The following AUTS2 variants were observed in gnomAD, a reference collection of about 807,000 sequenced individuals.
AUTS2 encodes activator of transcription and developmental regulator AUTS2.
In AUTS2, 17 loss-of-function variants were observed where a neutral mutation model predicts 112.4. The ratio of observed to expected loss-of-function variants is 0.15; its 90% confidence interval spans 0.10 to 0.23. AUTS2 has a LOEUF of 0.23. Ranked by LOEUF, AUTS2 falls within the 10% of genes least tolerant of loss-of-function variation. AUTS2 has a pLI of 1.00. For synonymous variants in AUTS2, 751 were observed against 702.7 expected, an observed-to-expected ratio of 1.07 and a Z score of -1.09; for missense variants, 1,510 against 1,701.6, an observed-to-expected ratio of 0.89 and a Z score of 1.98.
At chr7:70,053,965 A>G (rs1402195555) in intron 2 of AUTS2, among the ~76,000 whole-genome samples, 1 of 152,202 alleles carries the variant, frequency 6.6e-6, no homozygotes, top group Non-Finnish European at 1.5e-5. Flanking sequence ...AAGAAAGCAA[A>G]TGTAATTTAT....
At chr7:70,739,060 C>G (rs973143291) in intron 6 of AUTS2, among the ~76,000 whole-genome samples, 33 of 120,944 alleles carry the variant, frequency 2.7e-4, no homozygotes, top group Admixed American at 9.9e-4. Flanking sequence ...GGGTCTTGCT[C>G]TGTTGCCCAG....
chr7:69,790,142 A>G (rs1186852486), intron 1 of AUTS2, among the ~76,000 whole-genome samples: 2 of 151,888 alleles, frequency 1.3e-5, no homozygotes, highest in African/African-American at 4.8e-5. Flanking sequence ...AAAAAAAAAA[A>G]TGGCTGAATG....
chr7:70,496,596 A>G (rs1445332279), intron 5 of AUTS2, among the ~76,000 whole-genome samples: 3 of 113,176 alleles, frequency 2.7e-5, no homozygotes, highest in African/African-American at 1.0e-4. Context: ...ATCAGCATCA[A>G]TCACACACCC....
At chr7:70,034,435 G>A (rs1800910657) in intron 2 of AUTS2, among the ~76,000 whole-genome samples, 1 of 151,766 alleles carries the variant, frequency 6.6e-6, no homozygotes, top group Admixed American at 6.6e-5. Context: ...GTCAGACTGA[G>A]GGAGGAAGGA....
intron 1 of AUTS2, among the ~76,000 whole-genome samples, chr7:69,889,197 G>C (rs982534054): frequency 9.9e-5 from 15 of 152,160 alleles, no homozygotes; most frequent in African/African-American, 3.6e-4. Flanking sequence ...ACCAGGTCCA[G>C]TTCTAATTCA....
intron 5 of AUTS2, among the ~76,000 whole-genome samples, chr7:70,682,001 G>C (rs1340924636): frequency 6.6e-6 from 1 of 152,162 alleles, no homozygotes; most frequent in Non-Finnish European, 1.5e-5. Flanking sequence ...TTCCCTACCA[G>C]TTTTATTGGG....
At chr7:69,899,608 C>G in intron 2 of AUTS2, 110 bp downstream of exon 2, 1 of 1,012,730 alleles carries the variant, frequency 9.9e-7, no homozygotes, top group Non-Finnish European at 1.5e-6. Flanking sequence ...TGGTGGGATG[C>G]TGAAGTGGTT....
chr7:69,850,294 C>CAA (rs200344253), intron 1 of AUTS2, among the ~76,000 whole-genome samples: 70 of 142,096 alleles, frequency 4.9e-4, no homozygotes, highest in African/African-American at 1.9e-3. Context: ...CACTCTGTCT[C>CAA]AAAAAAACAA....
chr7:70,125,101 A>G (rs1222075594), intron 3 of AUTS2, among the ~76,000 whole-genome samples: 1 of 151,838 alleles, frequency 6.6e-6, no homozygotes, highest in Non-Finnish European at 1.5e-5. Flanking sequence ...TCTCCTCACT[A>G]TGGGTCATAT....
chr7:70,273,290 G>A (rs957011952), intron 4 of AUTS2, among the ~76,000 whole-genome samples: 2 of 152,114 alleles, frequency 1.3e-5, no homozygotes, highest in East Asian at 1.9e-4. Flanking sequence ...GCAATCTGCC[G>A]GCCTCAGCCA....
intron 1 of AUTS2, among the ~76,000 whole-genome samples, chr7:69,877,247 T>C (rs1049040226): frequency 6.6e-6 from 1 of 152,138 alleles, no homozygotes; most frequent in African/African-American, 2.4e-5. Context: ...AGTAAAGAAG[T>C]GTGTGAAAAG....
At chr7:69,959,186 T>A (rs1797333415) in intron 2 of AUTS2, among the ~76,000 whole-genome samples, 1 of 152,156 alleles carries the variant, frequency 6.6e-6, no homozygotes, top group African/African-American at 2.4e-5. Flanking sequence ...TGCTATTCTT[T>A]ACCTTCCTGT....
chr7:69,825,857 G>A (rs1791218057), intron 1 of AUTS2: 1 of 152,170 alleles, frequency 6.6e-6, no homozygotes, highest in Non-Finnish European at 1.5e-5. Context: ...GGCTTGCTGT[G>A]TGCAACATAA....
chr7:70,731,228 A>G (rs1787365040), intron 6 of AUTS2, among the ~76,000 whole-genome samples: 1 of 151,274 alleles, frequency 6.6e-6, no homozygotes, highest in Non-Finnish European at 1.5e-5. Flanking sequence ...CTTTTGAAGG[A>G]CTTCTTTTTA....
chr7:69,986,260 G>C (rs927374326), intron 2 of AUTS2, among the ~76,000 whole-genome samples: 4 of 152,216 alleles, frequency 2.6e-5, no homozygotes, highest in African/African-American at 9.7e-5. Context: ...CCAGCACCTA[G>C]TGCTATGCCT....
intron 4 of AUTS2, among the ~76,000 whole-genome samples, chr7:70,181,947 G>A (rs1042001306): frequency 7.9e-5 from 12 of 151,626 alleles, no homozygotes; most frequent in African/African-American, 2.9e-4. Context: ...ACAGGCACCC[G>A]CCACCACGCC....
intron 4 of AUTS2, among the ~76,000 whole-genome samples, chr7:70,308,913 C>T (rs1161322035): frequency 3.9e-5 from 6 of 152,130 alleles, no homozygotes; most frequent in Non-Finnish European, 7.3e-5. Flanking sequence ...AATGGGGCAT[C>T]GCCTTTCGGG....
intron 5 of AUTS2, among the ~76,000 whole-genome samples, chr7:70,462,124 C>G (rs547603718): frequency 6.6e-6 from 1 of 152,034 alleles, no homozygotes; most frequent in South Asian, 2.1e-4. Context: ...TGGTGGCATG[C>G]GTCTGTAGTC....
intron 4 of AUTS2, among the ~76,000 whole-genome samples, chr7:70,171,570 A>G (rs1482399536): frequency 2.0e-5 from 3 of 152,164 alleles, no homozygotes; most frequent in African/African-American, 7.2e-5. Context: ...AAAAAACATG[A>G]CTCAGAATTA....
Sources: allele counts gnomAD v4.1 joint callset (sites outside exome capture counted in the v4.1 genomes callset), GRCh38; gene constraint gnomAD v4.1.1; transcripts MANE v1.5; gene names NCBI Gene and HGNC (gene_info 2026-07-23, HGNC 2026-07-21).